The following C8orf88 variants were observed in gnomAD, a reference collection of about 807,000 sequenced individuals.
The protein encoded by C8orf88 is chromosome 8 open reading frame 88, also known as uncharacterized protein C8orf88.
In C8orf88, 14 loss-of-function variants were observed where a neutral mutation model predicts 18.4. The ratio of observed to expected loss-of-function variants is 0.76; its 90% CI spans 0.50 to 1.19. C8orf88 has a LOEUF of 1.19. C8orf88 is among the 50% of genes most tolerant of loss of function. The probability of loss-of-function intolerance (pLI) is 0.00; values close to 1 mark genes in which losing one functional copy is unlikely to be tolerated. For missense variants in C8orf88, 116 were observed against 134.7 expected, an observed-to-expected ratio of 0.86 and a Z score of 0.69; for synonymous variants, 45 against 42.9, an observed-to-expected ratio of 1.05 and a Z score of -0.19.
At chr8:90,984,311 A>C (rs1200369058) in intron 1 of C8orf88, among the ~76,000 whole-genome samples, 1 of 152,222 alleles carries the variant, frequency 6.6e-6, no homozygotes, top group East Asian at 1.9e-4. Context: ...AAAACATTAC[A>C]AAGTTAGGAT....
intron 2 of C8orf88, among the ~76,000 whole-genome samples, chr8:90,979,693 A>T (rs1563555802): frequency 6.6e-6 from 1 of 152,212 alleles, no homozygotes; most frequent in Non-Finnish European, 1.5e-5. Flanking sequence ...AAAAAGTTAT[A>T]TGTGTATCAC....
At chr8:90,983,252 GT>G (rs2130329539) in intron 1 of C8orf88, among the ~76,000 whole-genome samples, 1 of 152,138 alleles carries the variant, frequency 6.6e-6, no homozygotes, top group South Asian at 2.1e-4. Context: ...TGGTATAAAT[GT>G]TTTTTAAAGG....
intron 2 of C8orf88, among the ~76,000 whole-genome samples, chr8:90,978,968 G>A (rs543666988): frequency 7.2e-5 from 11 of 152,238 alleles, no homozygotes; most frequent in Admixed American, 3.9e-4. Flanking sequence ...TAGGGCAAAC[G>A]GAATAGGTTT....
In C8orf88 at chr8:90,983,494, A is replaced by G. The variant is rs568582754; in HGVS notation, c.-27+1620T>C. Among the ~76,000 whole-genome samples the G allele has an allele frequency of 1.5e-3, 221 of 152,276 alleles. 2 individuals are homozygous for G. The highest frequency in any genetic ancestry group is 4.8e-3 in the African/African-American group (201 of 41,576). Reference sequence around the variant, plus strand: ...TTTTTAAAAAATTTACCTAAGTATGAATCTTCAGGCCTTATCAGTCCTGAT... The same window carrying G: ...TTTTTAAAAAATTTACCTAAGTATGGATCTTCAGGCCTTATCAGTCCTGAT... On this transcript the variant is annotated intron_variant, in intron 1 of 5. Transcript: ENST00000517562.
rs998168213 is a variant in C8orf88 at position 90,958,762 on chromosome 8, T to C, written c.*245A>G. The stretch of plus-strand genomic sequence containing the variant: ...AATTATAAATATACAGTCTTCCCAC[T>C]TCACTAACCAAATTCCTACTTTCCA... On this transcript the variant is annotated 3_prime_UTR_variant, in exon 6 of 6. Coordinates refer to ENST00000517562, the MANE Select transcript of C8orf88 (RefSeq NM_001190972.2). The C allele has an allele frequency of 2.5e-6, 1 of 408,122 alleles. No individual in the cohort carries two copies. Among genetic ancestry groups the C allele is most frequent in the East Asian group, 4.6e-5 (1 of 21,558 alleles). The allele number at this position is 408,122 out of a possible 1,614,324, so 25.3% of individuals were successfully genotyped here.
chr8:90,972,343 G>A (rs888458544), intron 3 of C8orf88, among the ~76,000 whole-genome samples: 1 of 151,802 alleles, frequency 6.6e-6, no homozygotes, highest in Admixed American at 6.6e-5. Context: ...AATGGAAAAT[G>A]CCTAAGATTT....
chr8:90,961,475 C>T (rs994882227), intron 4 of C8orf88, among the ~76,000 whole-genome samples: 17 of 148,916 alleles, frequency 1.1e-4, no homozygotes, highest in South Asian at 4.3e-4. Flanking sequence ...AAGAAAAGAA[C>T]GGTAACCCAG....
At chr8:90,962,255 C>T (rs1349706377) in intron 4 of C8orf88, among the ~76,000 whole-genome samples, 1 of 151,580 alleles carries the variant, frequency 6.6e-6, no homozygotes, top group African/African-American at 2.4e-5. Flanking sequence ...TTCAAATATG[C>T]AAACTCAAAG....
intron 3 of C8orf88, among the ~76,000 whole-genome samples, chr8:90,976,991 G>C (rs1811360165): frequency 6.6e-6 from 1 of 151,996 alleles, no homozygotes; most frequent in East Asian, 1.9e-4. Context: ...CATAAAAAAT[G>C]ACTCTCTAGC....
Position 90,978,748 on chromosome 8 carries a change from C to T in C8orf88, c.74-96G>A, listed in dbSNP as rs1292536889. On this transcript the variant is annotated intron_variant, in intron 2 of 5. Transcript: ENST00000517562. Reference sequence around the variant, plus strand: ...TTAAGTATCCAAGATATTCTTGGCACTGTTTTGAAATGTGTTCTGATAGTT... The same window carrying T: ...TTAAGTATCCAAGATATTCTTGGCATTGTTTTGAAATGTGTTCTGATAGTT... 12 of 645,390 alleles carry T rather than the reference C, an allele frequency of 1.9e-5. No homozygotes were observed. In the Admixed American group the frequency reaches 3.5e-4, roughly 19 times the overall value. 40.0% of individuals were successfully genotyped at this position (645,390 alleles called of 1,614,324 possible). A position where few individuals can be genotyped will look rare whatever the true frequency, so the allele number is the denominator to read the frequency against.
intron 1 of C8orf88, among the ~76,000 whole-genome samples, chr8:90,983,684 C>A (rs749566789): frequency 3.9e-5 from 6 of 151,950 alleles, no homozygotes; most frequent in Non-Finnish European, 8.8e-5. Flanking sequence ...CATATATGAA[C>A]GGTGGAAGAA....
chr8:90,974,434 A>T (rs778107387), intron 3 of C8orf88, among the ~76,000 whole-genome samples: 1 of 152,152 alleles, frequency 6.6e-6, no homozygotes, highest in African/African-American at 2.4e-5. Flanking sequence ...CAGCCATGTG[A>T]GTGAGCCATT....
rs1811079823 is a variant in C8orf88 at position 90,958,844 on chromosome 8, A to ATCT, written c.*162_*163insAGA. 1 of 510,536 alleles carries ATCT rather than the reference A, an allele frequency of 2.0e-6. No individual in the cohort carries two copies. Among genetic ancestry groups the ATCT allele is most frequent in the African/African-American group, 2.1e-5 (1 of 48,172 alleles). The allele number at this position is 510,536 out of a possible 1,614,324, so 31.6% of individuals were successfully genotyped here. A position where few individuals can be genotyped will look rare whatever the true frequency, so the allele number is the denominator to read the frequency against. The stretch of plus-strand genomic sequence containing the variant: ...CTGCAAAGCTGAAACTGATTAGAAA[A>ATCT]TTCTTTATATTTTAAAATAGCTCTT... On this transcript the variant is annotated 3_prime_UTR_variant, in exon 6 of 6. Coordinates refer to ENST00000517562, the MANE Select transcript of C8orf88 (RefSeq NM_001190972.2).
intron 3 of C8orf88, among the ~76,000 whole-genome samples, chr8:90,977,319 T>G (rs1811365419): frequency 6.6e-6 from 1 of 152,230 alleles, no homozygotes; most frequent in African/African-American, 2.4e-5. Flanking sequence ...CCCCTGTTCA[T>G]ACAAATCGCT....
intron 4 of C8orf88, among the ~76,000 whole-genome samples, chr8:90,965,692 T>C (rs190991727): frequency 6.6e-6 from 1 of 151,888 alleles, no homozygotes; most frequent in East Asian, 1.9e-4. Context: ...GTATGCCCTA[T>C]GACCACACTG....
chr8:90,969,351 T>C (rs560833136), intron 4 of C8orf88, among the ~76,000 whole-genome samples: 1 of 151,752 alleles, frequency 6.6e-6, no homozygotes, highest in Non-Finnish European at 1.5e-5. Flanking sequence ...TGGAAAGTGA[T>C]AGAAGCCAGA....
intron 1 of C8orf88, among the ~76,000 whole-genome samples, chr8:90,981,958 C>T (rs953200612): frequency 2.0e-5 from 3 of 152,062 alleles, no homozygotes; most frequent in Non-Finnish European, 2.9e-5. Flanking sequence ...GAGTTAGTAA[C>T]CCTTTAAGTT....
intron 3 of C8orf88, 52 bp from the exon 4 acceptor site, chr8:90,971,193 A>G (rs1811278649): frequency 9.1e-7 from 1 of 1,096,290 alleles, no homozygotes; most frequent in Non-Finnish European, 1.3e-6. Flanking sequence ...AAAATTTTAT[A>G]TAATTAGTTT....
intron 3 of C8orf88, among the ~76,000 whole-genome samples, chr8:90,971,519 A>G (rs1811283285): frequency 6.6e-6 from 1 of 152,066 alleles, no homozygotes; most frequent in African/African-American, 2.4e-5. Context: ...CAATAATACT[A>G]GAGTATTTAC....
Sources: allele counts gnomAD v4.1 joint callset (sites outside exome capture counted in the v4.1 genomes callset), GRCh38; gene constraint gnomAD v4.1.1; transcripts MANE v1.5; gene names NCBI Gene and HGNC (gene_info 2026-07-23, HGNC 2026-07-21).